Variants in METTL22 observed in about 807,000 individuals in gnomAD.
METTL22 encodes methyltransferase-like protein 22.
METTL22 carries 51 observed loss-of-function variants against 48.4 expected under a neutral mutation model. That is an observed-to-expected ratio of 1.05 (90% CI 0.84 to 1.33). METTL22 has a LOEUF of 1.33. Among genes scored for constraint, METTL22 ranks in the 40% most tolerant of loss-of-function variants. The pLI, the probability that METTL22 is intolerant of heterozygous loss-of-function variation, is 0.00. For missense variants in METTL22, 678 were observed against 526.9 expected (o/e 1.29, Z -2.81); for synonymous variants, 255 against 214.1 (o/e 1.19, Z -1.67).
chr16:8,643,093 G>T (rs965407193), intron 9 of METTL22, among the ~76,000 whole-genome samples: 1 of 152,138 alleles, frequency 6.6e-6, no homozygotes, highest in African/African-American at 2.4e-5. Context: ...ACATTCTCCT[G>T]TAATACTTAA....
At chr16:8,642,255 A>C in intron 8 of METTL22, 48 bp downstream of exon 8, 1 of 1,499,908 alleles carries the variant, frequency 6.7e-7, no homozygotes, top group Non-Finnish European at 9.3e-7. Context: ...TGTAGCATGA[A>C]GTCAAGTGCA....
chr16:8,653,900 T>C (rs139661377), downstream of METTL22, among the ~76,000 whole-genome samples: 2 of 152,108 alleles, frequency 1.3e-5, no homozygotes, highest in South Asian at 2.1e-4. Flanking sequence ...AAGGATGATA[T>C]CAGGGAAGAA....
chr16:8,635,117 G>A (rs775999536), intron 4 of METTL22, 38 bp downstream of exon 4: 4 of 1,613,984 alleles, frequency 2.5e-6, no homozygotes, highest in Middle Eastern at 1.7e-4. Context: ...GCCCTGATGG[G>A]TCCCTGCAGA....
At chr16:8,652,639 G>A (rs977830135), downstream of METTL22, among the ~76,000 whole-genome samples, 3 of 151,060 alleles carry the variant, frequency 2.0e-5, no homozygotes, top group African/African-American at 7.3e-5. Flanking sequence ...GCAACATAGT[G>A]AGACCCATTC....
At chr16:8,654,512 A>G (rs995295124), downstream of METTL22, among the ~76,000 whole-genome samples, 2 of 152,246 alleles carry the variant, frequency 1.3e-5, no homozygotes, top group Non-Finnish European at 2.9e-5. Flanking sequence ...TTTTACTAAA[A>G]ATAAAGTTAA....
chr16:8,664,353 C>G, the METTL22 span, among the ~76,000 whole-genome samples: 1 of 152,100 alleles, frequency 6.6e-6, no homozygotes, highest in Non-Finnish European at 1.5e-5. Context: ...ACCATGTTGG[C>G]CAGGCTGGTC....
At chr16:8,653,366 G>A (rs2056925573), downstream of METTL22, among the ~76,000 whole-genome samples, 1 of 152,340 alleles carries the variant, frequency 6.6e-6, no homozygotes, top group East Asian at 1.9e-4. Context: ...GTTGGGTGAT[G>A]TCAGGTGCCT....
chr16:8,630,707 C>A (rs2056230534), intron 3 of METTL22, among the ~76,000 whole-genome samples: 1 of 152,176 alleles, frequency 6.6e-6, no homozygotes, highest in Non-Finnish European at 1.5e-5. Context: ...AGAGGCTGGC[C>A]TGTGACCAGC....
At chr16:8,659,370 C>A in the METTL22 span, among the ~76,000 whole-genome samples, 2 of 151,754 alleles carry the variant, frequency 1.3e-5, no homozygotes, top group African/African-American at 4.8e-5. Flanking sequence ...AATCATCCAT[C>A]CTTCACCAGA....
the METTL22 span, among the ~76,000 whole-genome samples, chr16:8,663,501 G>C: frequency 6.6e-6 from 1 of 152,050 alleles, no homozygotes; most frequent in African/African-American, 2.4e-5. Context: ...TGTTCCAGTG[G>C]GAGGGTCACC....
In METTL22 at chr16:8,629,056, G is replaced by C; in HGVS notation, c.460G>C (p.Asp154His). 6.2e-7 allele frequency: 1 copy of C among 1,613,984 alleles called. No homozygotes were observed. Among genetic ancestry groups the C allele is most frequent in the Non-Finnish European group, 8.5e-7 (1 of 1,180,034 alleles). ...TCCCATGATTCTAGCACAGGAAGAA[G>C]ACGACGTCCTGGGAGAGGAAGCACA... Reference protein sequence around the residue: ...VHPMILAQEEDDVLGEEAQGS... With the variant: ...VHPMILAQEEHDVLGEEAQGS... Residue 154 changes from aspartate (D) to histidine (H), a missense_variant, in exon 3 of 11, where the codon GAC (aspartate) becomes CAC (histidine). Transcript: ENST00000381920.
At chr16:8,661,850 G>T in the METTL22 span, among the ~76,000 whole-genome samples, 1 of 144,694 alleles carries the variant, frequency 6.9e-6, no homozygotes, top group Non-Finnish European at 1.5e-5. Context: ...TGGAATTACA[G>T]GCATGAGCCA....
At chr16:8,660,109 AT>A in the METTL22 span, among the ~76,000 whole-genome samples, 121,303 of 151,910 alleles carry the variant, frequency 0.8, 49,369 homozygotes, top group East Asian at 1. Context: ...GGGTACAGTG[AT>A]TTTTGCCCTG....
Position 8,646,183 on chromosome 16 carries a change from A to G in METTL22, c.*40A>G. 6.2e-7 allele frequency: 1 copy of G among 1,611,318 alleles called. No homozygotes were observed. Among genetic ancestry groups the G allele is most frequent in the East Asian group, 2.2e-5 (1 of 44,850 alleles). ...AAGGCGCGGCGTCTCGACTGTTCTT[A>G]GAGTGTATTTCTAGTAAAATCAGAA... On this transcript the variant is annotated 3_prime_UTR_variant, in exon 11 of 11. Coordinates refer to ENST00000381920, the MANE Select transcript of METTL22 (RefSeq NM_024109.4).
chr16:8,635,618 CAGG>C lies in METTL22; in HGVS notation c.700+311_700+313del, dbSNP rs558434058. ...GAGAAAGAGCAAATATCTCCAAAAA[CAGG>C]AGGAATATACCCTTTTAGAAGCCTT... On this transcript the variant is annotated intron_variant, in intron 5 of 10. Coordinates refer to ENST00000381920, the MANE Select transcript of METTL22 (RefSeq NM_024109.4). Among the ~76,000 whole-genome samples, 23 of 152,354 alleles carry C rather than the reference CAGG, an allele frequency of 1.5e-4. No individual in the cohort carries two copies. In the East Asian group the frequency reaches 4.4e-3, roughly 29 times the overall value.
At chr16:8,664,308 G>A in the METTL22 span, among the ~76,000 whole-genome samples, 351 of 152,146 alleles carry the variant, frequency 2.3e-3, 1 homozygote, top group Admixed American at 4.6e-3. Flanking sequence ...ACCATGCCCA[G>A]CTAATTTTTG....
At chr16:8,628,225 A>T (rs2056128062) in intron 2 of METTL22, among the ~76,000 whole-genome samples, 1 of 152,314 alleles carries the variant, frequency 6.6e-6, no homozygotes, top group African/African-American at 2.4e-5. Context: ...AGGCCCTAAC[A>T]TACCAAATCC....
intron 2 of METTL22, 143 bp downstream of exon 2, chr16:8,625,941 A>T (rs1338797961): frequency 7.5e-6 from 8 of 1,065,836 alleles, no homozygotes; most frequent in South Asian, 1.6e-5. Flanking sequence ...TTTTTTCTTT[A>T]TGATTTTTTA....
chr16:8,641,919 G>T (rs1212280086), intron 7 of METTL22: 2 of 611,092 alleles, frequency 3.3e-6, no homozygotes, highest in Non-Finnish European at 5.9e-6. Context: ...CAGACACTCA[G>T]CAGAAAAGGC....
Sources: allele counts gnomAD v4.1 joint callset (sites outside exome capture counted in the v4.1 genomes callset), GRCh38; gene constraint gnomAD v4.1.1; transcripts MANE v1.5; gene names NCBI Gene and HGNC (gene_info 2026-07-23, HGNC 2026-07-21).